The following PITPNM2 variants were observed in gnomAD, a reference collection of about 807,000 sequenced individuals.
The protein encoded by PITPNM2 is membrane-associated phosphatidylinositol transfer protein 2.
A neutral mutation model predicts 132.2 loss-of-function variants in PITPNM2; 35 were observed. The observed-to-expected ratio is 0.26, with a 90% confidence interval of 0.20 to 0.35. The LOEUF (loss-of-function observed/expected upper bound fraction) is 0.35. Among genes scored for constraint, PITPNM2 ranks in the 10% least tolerant of loss-of-function variants. The pLI, the probability that PITPNM2 is intolerant of heterozygous loss-of-function variation, is 1.00. For missense variants in PITPNM2, 1,332 were observed against 1,912.0 expected, an observed-to-expected ratio of 0.70 and a Z score of 5.66; for synonymous variants, 738 against 799.2, an observed-to-expected ratio of 0.92 and a Z score of 1.29.
At chr12:123,085,576 G>A (rs2137053911) in intron 2 of PITPNM2, among the ~76,000 whole-genome samples, 2 of 152,204 alleles carry the variant, frequency 1.3e-5, no homozygotes, top group South Asian at 2.1e-4. Context: ...AAAAATTCTG[G>A]AAATGGATAG....
At chr12:123,033,802 T>C (rs2040176448) in intron 3 of PITPNM2, among the ~76,000 whole-genome samples, 1 of 152,098 alleles carries the variant, frequency 6.6e-6, no homozygotes, top group Non-Finnish European at 1.5e-5. Flanking sequence ...TGAGATCATA[T>C]GGGTGGGGCC....
intron 1 of PITPNM2, among the ~76,000 whole-genome samples, chr12:123,143,591 C>T (rs932128366): frequency 1.3e-5 from 2 of 152,206 alleles, no homozygotes; most frequent in Non-Finnish European, 2.9e-5. Context: ...AGGAACCCCC[C>T]ATCTTGGCCT....
chr12:123,126,090 C>G (rs2043136365), intron 1 of PITPNM2, among the ~76,000 whole-genome samples: 1 of 151,592 alleles, frequency 6.6e-6, no homozygotes, highest in Non-Finnish European at 1.5e-5. Flanking sequence ...AGGATGGTCT[C>G]AATCTTCTGA....
At chr12:123,146,468 C>T (rs139961128) in intron 1 of PITPNM2, among the ~76,000 whole-genome samples, 300 of 152,064 alleles carry the variant, frequency 2.0e-3, no homozygotes, top group African/African-American at 6.8e-3. Context: ...GTGGTGGGCG[C>T]CTGTAATCCC....
intron 2 of PITPNM2, among the ~76,000 whole-genome samples, chr12:123,052,077 GTTTTTTTT>G (rs10606016): frequency 5.4e-4 from 54 of 100,610 alleles, no homozygotes; most frequent in African/African-American, 1.9e-3. Flanking sequence ...TAATTTTATT[GTTTTTTTT>G]TTTTTTTTTT....
At chr12:123,101,115 G>A (rs1461289034) in intron 2 of PITPNM2, among the ~76,000 whole-genome samples, 10 of 152,260 alleles carry the variant, frequency 6.6e-5, no homozygotes, top group Admixed American at 6.5e-4. Flanking sequence ...GCCTGACACA[G>A]TGCACAGGCA....
chr12:123,005,635 G>T lies in PITPNM2; in HGVS notation c.644-87C>A. ...CACGGAAGTGTGGGGCCCAGGCAGG[G>T]GCTTTGGGAGGCTGTACCCATGTTG... On this transcript the variant is annotated intron_variant, in intron 6 of 25. Transcript: ENST00000320201. The surrounding 1 kb of genome is among the most constrained non-coding windows in gnomAD (Gnocchi z 6.2). 1 of 1,311,962 alleles carries T rather than the reference G, an allele frequency of 7.6e-7. No individual in the cohort carries two copies. The highest frequency in any genetic ancestry group is 1.1e-6 in the Non-Finnish European group (1 of 948,390). 81.3% of individuals were successfully genotyped at this position (1,311,962 alleles called of 1,614,324 possible).
At chr12:123,054,273 T>G (rs745320562) in intron 2 of PITPNM2, among the ~76,000 whole-genome samples, 6 of 152,180 alleles carry the variant, frequency 3.9e-5, no homozygotes, top group Non-Finnish European at 7.3e-5. Flanking sequence ...TATTGTTTCC[T>G]TTTTCAGTTG....
intron 1 of PITPNM2, among the ~76,000 whole-genome samples, chr12:123,112,980 T>C (rs2042870275): frequency 6.6e-6 from 1 of 152,238 alleles, no homozygotes; most frequent in Admixed American, 6.5e-5. Context: ...TCTGTTTCAG[T>C]CCAAGAAAGT....
Position 123,022,793 on chromosome 12 carries a change from G to C in PITPNM2, c.79-8751C>G, listed in dbSNP as rs1207266543. ...TACCTAATAGGCACCAGGCATGGTGGGTAGCTGGTCTGGCAGGAATTGAGG... is the reference window on the plus strand; with the variant it reads ...TACCTAATAGGCACCAGGCATGGTGCGTAGCTGGTCTGGCAGGAATTGAGG... On this transcript the variant is annotated intron_variant, in intron 3 of 25. Transcript: ENST00000320201. The surrounding 1 kb of genome is among the most constrained non-coding windows in gnomAD (Gnocchi z 4.9). 6.6e-6 allele frequency among the ~76,000 whole-genome samples: 1 copy of C among 152,222 alleles called. No individual in the cohort carries two copies. Among genetic ancestry groups the C allele is most frequent in the African/African-American group, 2.4e-5 (1 of 41,454 alleles).
At position 123,009,095 on chromosome 12, in the gene PITPNM2, T is replaced by C. The variant is rs1041785439; in HGVS notation, c.643+755A>G. ...GTAAGCTTACGTGACAAGCGTGATA[T>C]GTACTGTCAACAGTGTGGCTCTGTT... On this transcript the variant is annotated intron_variant, in intron 6 of 25. Coordinates refer to ENST00000320201, the MANE Select transcript of PITPNM2 (RefSeq NM_020845.3). This position sits in a 1 kb window ranked among gnomAD's most constrained non-coding sequence, Gnocchi z 4.8. Among the ~76,000 whole-genome samples, 1 of 152,230 alleles carries C rather than the reference T, an allele frequency of 6.6e-6. No homozygotes were observed. Among genetic ancestry groups the C allele is most frequent in the Admixed American group, 6.5e-5 (1 of 15,292 alleles).
chr12:123,056,058 T>C (rs1442180054), intron 2 of PITPNM2, among the ~76,000 whole-genome samples: 2 of 152,216 alleles, frequency 1.3e-5, no homozygotes, highest in East Asian at 3.8e-4. Flanking sequence ...CTGCTCCACC[T>C]GGATCCTAGA....
At chr12:123,011,030 T>A (rs1592940613) in intron 5 of PITPNM2, among the ~76,000 whole-genome samples, 1 of 152,220 alleles carries the variant, frequency 6.6e-6, no homozygotes, top group Non-Finnish European at 1.5e-5. Context: ...AGGCCACTTA[T>A]GATCACAGGC....
intron 1 of PITPNM2, among the ~76,000 whole-genome samples, chr12:123,125,620 G>A (rs374393516): frequency 6.3e-4 from 95 of 151,756 alleles, no homozygotes; most frequent in African/African-American, 2.1e-3. Context: ...CGAGGGGGGC[G>A]GATCACGAGG....
At chr12:123,060,956 G>A (rs1217273959) in intron 2 of PITPNM2, among the ~76,000 whole-genome samples, 7 of 152,066 alleles carry the variant, frequency 4.6e-5, no homozygotes, top group South Asian at 2.1e-4. Flanking sequence ...ATCCCTACTC[G>A]CATCTACCCA....
intron 1 of PITPNM2, among the ~76,000 whole-genome samples, chr12:123,134,008 A>C (rs2043323057): frequency 2.0e-5 from 3 of 152,060 alleles, no homozygotes; most frequent in African/African-American, 7.2e-5. Context: ...AAAAACATAG[A>C]GACTGAGGGA....
chr12:122,985,992 G>A lies in PITPNM2; in HGVS notation c.*35C>T. On this transcript the variant is annotated 3_prime_UTR_variant, in exon 26 of 26. Transcript: ENST00000320201. ...TGGCGGGGCTGGCCACCCTGGCCTA[G>A]CACCATGGAGACCCCGCGCTGCACT... 2.2e-6 allele frequency: 3 copies of A among 1,371,436 alleles called. No homozygotes were observed. The highest frequency in any genetic ancestry group is 2.8e-6 in the Non-Finnish European group (3 of 1,070,060). The allele number at this position is 1,371,436 out of a possible 1,614,324, so 85.0% of individuals were successfully genotyped here.
chr12:123,021,423 C>G (rs1017728067), intron 3 of PITPNM2, among the ~76,000 whole-genome samples: 5 of 152,188 alleles, frequency 3.3e-5, no homozygotes, highest in Non-Finnish European at 2.9e-5. Context: ...CCTTGACCCC[C>G]CAAGCTCAAG....
In PITPNM2 at chr12:123,014,066, A is replaced by G. The variant is rs367544258; in HGVS notation, c.79-24T>C. ...TTCTGTGGGGACAAAAGCACCTGCA[A>G]TGTGTGTGGGGCCAGAGCACTCTTC... On this transcript the variant is annotated intron_variant, in intron 3 of 25. Coordinates refer to ENST00000320201, the MANE Select transcript of PITPNM2 (RefSeq NM_020845.3). 4.6e-5 allele frequency: 74 copies of G among 1,613,126 alleles called. No individual in the cohort carries two copies. In the African/African-American group the frequency reaches 9.3e-4, roughly 20 times the overall value.
Sources: allele counts gnomAD v4.1 joint callset (sites outside exome capture counted in the v4.1 genomes callset), GRCh38; gene constraint gnomAD v4.1.1; non-coding constraint Gnocchi (gnomAD v3.1); transcripts MANE v1.5; gene names NCBI Gene and HGNC (gene_info 2026-07-23, HGNC 2026-07-21).